The following OR3A1 variants were observed in gnomAD, a reference collection of about 807,000 sequenced individuals.
OR3A1 encodes the protein olfactory receptor family 3 subfamily A member 1.
For synonymous variants in OR3A1, 145 were observed against 160.0 expected (o/e 0.91, Z 0.71); for missense variants, 402 against 393.8 (o/e 1.02, Z -0.18).
chr17:3,296,053 T>C (rs1202783851), intron 1 of OR3A1, among the ~76,000 whole-genome samples: 1 of 152,134 alleles, frequency 6.6e-6, no homozygotes, highest in Non-Finnish European at 1.5e-5. Flanking sequence ...CCAATTGACA[T>C]TGTACACCTT....
chr17:3,292,665 C>A, intron 1 of OR3A1, 77 bp from the exon 2 acceptor site: 1 of 1,257,406 alleles, frequency 8.0e-7, no homozygotes, highest in East Asian at 2.5e-5. Flanking sequence ...AAACAGACCC[C>A]CTTCTACTTG....
rs1267808604 is a variant in OR3A1 at position 3,292,566 on chromosome 17, C to G, written c.17G>C (p.Gly6Ala). The change falls in exon 2 of 2, where the codon GGG (glycine) becomes GCG (alanine). Residue 6 changes from glycine (G) to alanine (A), a missense_variant. By Grantham distance (60) the Gly-to-Ala change is moderately conservative (BLOSUM62 0). Coordinates refer to ENST00000323404, the MANE Select transcript of OR3A1 (RefSeq NM_002550.3). Reference sequence around the variant, plus strand: ...CTCAGCAATGACTGTTCCATTGGCCCCAGATTCTGGCTGCATGAGTTCCTG... The same window carrying G: ...CTCAGCAATGACTGTTCCATTGGCCGCAGATTCTGGCTGCATGAGTTCCTG... MQPES[G>A]ANGTVIAEFI... 1.9e-6 allele frequency: 3 copies of G among 1,608,282 alleles called. No individual in the cohort carries two copies. Among genetic ancestry groups the G allele is most frequent in the Non-Finnish European group, 1.7e-6 (2 of 1,176,264 alleles).
chr17:3,296,386 G>A (rs1232849886), intron 1 of OR3A1, among the ~76,000 whole-genome samples: 3 of 151,934 alleles, frequency 2.0e-5, no homozygotes, highest in East Asian at 3.9e-4. Flanking sequence ...CCACAACAAC[G>A]AAAGAATTAA....
At position 3,292,227 on chromosome 17, in the gene OR3A1, G is replaced by A. The variant is rs372102685; in HGVS notation, c.356C>T (p.Thr119Ile). The change falls in exon 2 of 2, where the codon ACC becomes ATC. Residue 119 changes from threonine (T) to isoleucine (I), a missense_variant. Physicochemically the swap from Thr to Ile is moderately conservative, Grantham distance 89 (BLOSUM62 -1). Coordinates refer to ENST00000323404, the MANE Select transcript of OR3A1 (RefSeq NM_002550.3). ...CAGGAATCGGTCATAGGCCATGGCG[G>A]TCAGCAGGAAGCAGTCCACTCCAAC... ...LFVGVDCFLL[T>I]AMAYDRFLAI... The A allele has an allele frequency of 8.1e-6, 13 of 1,614,182 alleles. No homozygotes were observed. In the African/African-American group the frequency reaches 1.6e-4, roughly 20 times the overall value.
rs1184727221 is a variant in OR3A1 at position 3,291,403 on chromosome 17, C to T, written c.*232G>A. ...ACCTCTAGCCAGAAAGGAGAGAACACGGTGCCTGAAGCTGAATTTGTCTAA... is the reference window on the plus strand; with the variant it reads ...ACCTCTAGCCAGAAAGGAGAGAACATGGTGCCTGAAGCTGAATTTGTCTAA... On this transcript the variant is annotated 3_prime_UTR_variant, in exon 2 of 2. Transcript: ENST00000323404. The T allele has an allele frequency of 2.8e-5, 12 of 423,560 alleles. No individual in the cohort carries two copies. Among genetic ancestry groups the T allele is most frequent in the Non-Finnish European group, 3.8e-5 (9 of 239,986 alleles). The allele number at this position is 423,560 out of a possible 1,614,324, so 26.2% of individuals were successfully genotyped here. A position where few individuals can be genotyped will look rare whatever the true frequency, so the allele number is the denominator to read the frequency against.
chr17:3,291,667 T>G lies in OR3A1; in HGVS notation c.916A>C (p.Arg306=), dbSNP rs758236938. ...RNPDVQSAIW[R]MLTGRRSLA ...AGTGACCGCCTCCCTGTGAGCATCC[T>G]CCAGATGGCACTCTGCACATCAGGG... The change falls in exon 2 of 2, where the codon AGG becomes CGG. Residue 306 remains arginine, a synonymous_variant. Coordinates refer to ENST00000323404, the MANE Select transcript of OR3A1 (RefSeq NM_002550.3). 2.5e-6 allele frequency: 4 copies of G among 1,605,100 alleles called. No individual in the cohort carries two copies. Among genetic ancestry groups the G allele is most frequent in the African/African-American group, 1.3e-5 (1 of 74,758 alleles).
chr17:3,296,480 A>T (rs1663008420), intron 1 of OR3A1, among the ~76,000 whole-genome samples: 1 of 152,164 alleles, frequency 6.6e-6, no homozygotes, highest in African/African-American at 2.4e-5. Flanking sequence ...ATACAGAGCT[A>T]ATAAACAAGT....
chr17:3,293,998 T>C (rs1405016950), intron 1 of OR3A1, among the ~76,000 whole-genome samples: 1 of 152,092 alleles, frequency 6.6e-6, no homozygotes, highest in Non-Finnish European at 1.5e-5. Flanking sequence ...AAAGAGCTAA[T>C]GCATGCTGGG....
At position 3,291,829 on chromosome 17, in the gene OR3A1, C is replaced by A. The variant is rs202247230; in HGVS notation, c.754G>T (p.Ala252Ser). The change falls in exon 2 of 2, where the codon GCC becomes TCC. Residue 252 changes from alanine (A) to serine (S), a missense_variant. Transcript: ENST00000323404. ...STCGSHLTVV[A>S]IFYGSGIFNY... Reference sequence around the variant, plus strand: ...AAGATACCTGAACCATAGAATATGGCAACCACAGTGAGGTGGGAGCCACAT... The same window carrying A: ...AAGATACCTGAACCATAGAATATGGAAACCACAGTGAGGTGGGAGCCACAT... The A allele has an allele frequency of 5.6e-5, 91 of 1,613,762 alleles. No homozygotes were observed. The Middle Eastern group carries it at 9.9e-4, about 17-fold the overall frequency.
rs1241146351 is a variant in OR3A1, at chr17:3,291,853, A to G, written c.730T>C (p.Cys244Arg). The change falls in exon 2 of 2, where the codon TGT (cysteine) becomes CGT (arginine). Residue 244 changes from cysteine to arginine, a missense_variant. Cys to Arg is a radical substitution (Grantham distance 180). Coordinates refer to ENST00000323404, the MANE Select transcript of OR3A1 (RefSeq NM_002550.3). ...VEGRKKAFST[C>R]GSHLTVVAIF... is the part of the protein sequence containing the mutation. ...GCAACCACAGTGAGGTGGGAGCCAC[A>G]TGTGGAGAAGGCTTTCTTCCTGCCC... is the stretch of plus-strand genomic sequence containing the variant. The G allele has an allele frequency of 1.2e-6, 2 of 1,614,014 alleles. No homozygotes were observed. The highest frequency in any genetic ancestry group is 1.3e-5 in the African/African-American group (1 of 74,948).
chr17:3,296,316 T>C (rs536446474), intron 1 of OR3A1, among the ~76,000 whole-genome samples: 1 of 152,094 alleles, frequency 6.6e-6, no homozygotes, highest in African/African-American at 2.4e-5. Flanking sequence ...CAGCAGCACA[T>C]TTTAAAAAAT....
Position 3,293,616 on chromosome 17 carries a change from A to G in OR3A1, c.-6-1028T>C, listed in dbSNP as rs531594313. On this transcript the variant is annotated intron_variant, in intron 1 of 1. Transcript: ENST00000323404. The stretch of plus-strand genomic sequence containing the variant: ...AGAAAAAAGAGGTAAATAAACAAGA[A>G]AGACAAATGGATGACAAAATTCACT... Among the ~76,000 whole-genome samples the G allele has an allele frequency of 7.2e-5, 11 of 152,304 alleles. No individual in the cohort carries two copies. In the South Asian group the frequency reaches 2.3e-3, roughly 32 times the overall value.
At chr17:3,293,760 G>A (rs972993544) in intron 1 of OR3A1, among the ~76,000 whole-genome samples, 2 of 152,152 alleles carry the variant, frequency 1.3e-5, no homozygotes, top group African/African-American at 2.4e-5. Context: ...TATACACCAC[G>A]GAATACTATG....
chr17:3,296,010 G>A (rs2048915578), intron 1 of OR3A1, among the ~76,000 whole-genome samples: 2 of 152,016 alleles, frequency 1.3e-5, no homozygotes, highest in South Asian at 2.1e-4. Context: ...GAATAAAGGC[G>A]ATAAAAACCT....
intron 1 of OR3A1, among the ~76,000 whole-genome samples, chr17:3,297,260 A>G (rs572135851): frequency 1.3e-5 from 2 of 152,314 alleles, no homozygotes; most frequent in Admixed American, 1.3e-4. Context: ...AAAATCATTC[A>G]CTATAAATAC....
intron 1 of OR3A1, among the ~76,000 whole-genome samples, chr17:3,296,394 T>C (rs1213247872): frequency 6.6e-6 from 1 of 151,944 alleles, no homozygotes; most frequent in African/African-American, 2.4e-5. Flanking sequence ...ACGAAAGAAT[T>C]AAATGATCCA....
At chr17:3,294,944 AGTTTT>A (rs529338871) in intron 1 of OR3A1, among the ~76,000 whole-genome samples, 63 of 152,278 alleles carry the variant, frequency 4.1e-4, no homozygotes, top group African/African-American at 1.5e-3. Context: ...CAGACTTCAG[AGTTTT>A]GTTTTGTTTG....
At chr17:3,295,802 C>A (rs1346521019) in intron 1 of OR3A1, among the ~76,000 whole-genome samples, 1 of 151,588 alleles carries the variant, frequency 6.6e-6, no homozygotes, top group Non-Finnish European at 1.5e-5. Context: ...TGTTTGAATT[C>A]AAAAAAGTCA....
At chr17:3,293,365 A>T (rs2048893206) in intron 1 of OR3A1, among the ~76,000 whole-genome samples, 1 of 152,240 alleles carries the variant, frequency 6.6e-6, no homozygotes, top group South Asian at 2.1e-4. Flanking sequence ...GTAGAAAAAA[A>T]TACATCAGTT....
Sources: allele counts gnomAD v4.1 joint callset (sites outside exome capture counted in the v4.1 genomes callset), GRCh38; gene constraint gnomAD v4.1.1; transcripts MANE v1.5; gene names NCBI Gene and HGNC (gene_info 2026-07-23, HGNC 2026-07-21).